Variants in ZNF804B observed in about 807,000 individuals in gnomAD.
ZNF804B encodes the protein zinc finger 804B.
In ZNF804B, 80 loss-of-function variants were observed where a neutral mutation model predicts 101.4. The observed-to-expected ratio is 0.79, with a 90% CI of 0.66 to 0.95. ZNF804B has a LOEUF of 0.95. ZNF804B is among the 40% of genes least tolerant of loss of function. The probability of loss-of-function intolerance (pLI) is 0.00; values close to 1 mark genes in which losing one functional copy is unlikely to be tolerated. For missense variants in ZNF804B, 1,673 were observed against 1,561.9 expected (o/e 1.07, Z -1.20); for synonymous variants, 622 against 558.8 (o/e 1.11, Z -1.59).
chr7:89,201,810 A>G (rs533053190), intron 1 of ZNF804B, among the ~76,000 whole-genome samples: 3 of 152,016 alleles, frequency 2.0e-5, no homozygotes, highest in East Asian at 3.9e-4. Flanking sequence ...TAAAAATCTC[A>G]TCAAGTGTCA....
At chr7:88,921,311 C>A (rs1156780829) in intron 1 of ZNF804B, among the ~76,000 whole-genome samples, 1 of 152,008 alleles carries the variant, frequency 6.6e-6, no homozygotes, top group Non-Finnish European at 1.5e-5. Context: ...CATATAAGCA[C>A]TTGAGAGACA....
At chr7:89,034,139 T>G (rs1788885229) in intron 1 of ZNF804B, among the ~76,000 whole-genome samples, 1 of 152,182 alleles carries the variant, frequency 6.6e-6, no homozygotes, top group Non-Finnish European at 1.5e-5. Context: ...TTTAATTCAC[T>G]TAATAAGCAT....
chr7:89,177,724 T>C (rs911943000), intron 1 of ZNF804B, among the ~76,000 whole-genome samples: 2 of 152,176 alleles, frequency 1.3e-5, no homozygotes, highest in African/African-American at 2.4e-5. Flanking sequence ...CCAGCTATTA[T>C]TGTGTTGAGG....
chr7:88,949,657 G>A (rs73399343), intron 1 of ZNF804B, among the ~76,000 whole-genome samples: 324 of 151,846 alleles, frequency 2.1e-3, no homozygotes, highest in African/African-American at 7.4e-3. Context: ...TATTATAAAT[G>A]GTGCTTTAAA....
chr7:89,165,679 T>C lies in ZNF804B; in HGVS notation c.109-52476T>C, dbSNP rs189988626. Among the ~76,000 whole-genome samples the C allele has an allele frequency of 7.9e-5, 12 of 152,214 alleles. No homozygotes were observed. The East Asian group carries it at 2.3e-3, about 29-fold the overall frequency. ...CACAGTCTGTAAAGAACTCCTGCAC[T>C]TCAAACGGAAGATTTGGTTTAAAGA... is the stretch of plus-strand genomic sequence containing the variant. On this transcript the variant is annotated intron_variant, in intron 1 of 3. Coordinates refer to ENST00000333190, the MANE Select transcript of ZNF804B (RefSeq NM_181646.5).
chr7:88,965,542 A>T (rs1307762914), intron 1 of ZNF804B, among the ~76,000 whole-genome samples: 1 of 151,436 alleles, frequency 6.6e-6, no homozygotes, highest in African/African-American at 2.4e-5. Flanking sequence ...ACGTTTGGCT[A>T]TCACAAATAC....
intron 1 of ZNF804B, among the ~76,000 whole-genome samples, chr7:88,991,633 G>A (rs1191396977): frequency 6.6e-6 from 1 of 152,150 alleles, no homozygotes; most frequent in African/African-American, 2.4e-5. Context: ...CTGCCTGTGG[G>A]GTAGCCCTCC....
intron 1 of ZNF804B, among the ~76,000 whole-genome samples, chr7:88,948,573 C>T (rs1793172141): frequency 6.6e-6 from 1 of 151,912 alleles, no homozygotes. Context: ...GACTGACCCC[C>T]TGCCTGTACC....
At chr7:89,147,083 G>GTATATATATATATATATATATATATATA (rs147620052) in intron 1 of ZNF804B, among the ~76,000 whole-genome samples, 20 of 140,166 alleles carry the variant, frequency 1.4e-4, no homozygotes, top group African/African-American at 4.5e-4. Context: ...GGATAATCAG[G>GTATATATATATATATATATATATATATA]TATATATATA....
At chr7:89,145,648 A>G (rs2060270121) in intron 1 of ZNF804B, among the ~76,000 whole-genome samples, 1 of 152,002 alleles carries the variant, frequency 6.6e-6, no homozygotes, top group South Asian at 2.1e-4. Flanking sequence ...CTTATAATCA[A>G]TTTAATACAT....
intron 1 of ZNF804B, among the ~76,000 whole-genome samples, chr7:89,056,440 G>C (rs1218082773): frequency 1.3e-5 from 2 of 152,116 alleles, no homozygotes; most frequent in Non-Finnish European, 2.9e-5. Context: ...AAAATAGACA[G>C]TATGTGTCTT....
rs183210023 is a variant in ZNF804B at position 89,072,204 on chromosome 7, A to C, written c.109-145951A>C. 1.5e-4 allele frequency among the ~76,000 whole-genome samples: 23 copies of C among 152,282 alleles called. No individual in the cohort carries two copies. In the East Asian group the frequency reaches 4.1e-3, roughly 27 times the overall value. ...TTGGCAAAGGAGAAAAGCCCACACA[A>C]ATGATAGAAAGAGAACACATGTCTT... On this transcript the variant is annotated intron_variant, in intron 1 of 3. Transcript: ENST00000333190.
intron 1 of ZNF804B, among the ~76,000 whole-genome samples, chr7:89,113,924 T>TAAA (rs949747151): frequency 3.7e-5 from 5 of 135,610 alleles, no homozygotes; most frequent in African/African-American, 1.1e-4. Context: ...ACTCCAGCCA[T>TAAA]AAAAAAAAAA....
chr7:89,008,367 G>T (rs1245506955), intron 1 of ZNF804B, among the ~76,000 whole-genome samples: 2 of 152,134 alleles, frequency 1.3e-5, no homozygotes, highest in African/African-American at 4.8e-5. Context: ...TCCTCAGTAT[G>T]CTCGCCATTT....
intron 1 of ZNF804B, among the ~76,000 whole-genome samples, chr7:89,139,023 A>ATG (rs1233271020): frequency 6.6e-6 from 1 of 152,022 alleles, no homozygotes; most frequent in African/African-American, 2.4e-5. Flanking sequence ...ACGTGCACGC[A>ATG]TGTGTGTGTA....
intron 1 of ZNF804B, among the ~76,000 whole-genome samples, chr7:88,997,463 C>T (rs963727458): frequency 5.3e-5 from 8 of 152,036 alleles, no homozygotes; most frequent in African/African-American, 1.9e-4. Flanking sequence ...ATTCTTATTA[C>T]AGAAGTTGAA....
intron 1 of ZNF804B, among the ~76,000 whole-genome samples, chr7:88,936,811 C>T (rs1418711355): frequency 6.6e-6 from 1 of 151,946 alleles, no homozygotes; most frequent in Non-Finnish European, 1.5e-5. Context: ...GTCAAAAAGT[C>T]CTTGGTGCTG....
chr7:88,794,377 A>G (rs1298513952), intron 1 of ZNF804B: 1 of 1,613,874 alleles, frequency 6.2e-7, no homozygotes, highest in Non-Finnish European at 8.5e-7. Context: ...GCCTACTTTC[A>G]TAGTCTGGCA....
chr7:89,191,723 A>G (rs1357654424), intron 1 of ZNF804B, among the ~76,000 whole-genome samples: 1 of 152,102 alleles, frequency 6.6e-6, no homozygotes, highest in East Asian at 1.9e-4. Context: ...TACCACCACC[A>G]TAAAGCAAAA....
Sources: allele counts gnomAD v4.1 joint callset (sites outside exome capture counted in the v4.1 genomes callset), GRCh38; gene constraint gnomAD v4.1.1; transcripts MANE v1.5; gene names NCBI Gene and HGNC (gene_info 2026-07-23, HGNC 2026-07-21).